ABCB7: variants seen among roughly 807,000 people sequenced by gnomAD.
The protein encoded by ABCB7 is ATP binding cassette subfamily B member 7.
ABCB7 carries 7 observed loss-of-function variants against 54.4 expected under a neutral mutation model. That is an observed-to-expected ratio of 0.13 (90% confidence interval 0.07 to 0.24). The LOEUF is 0.24. Ranked by LOEUF, ABCB7 falls within the 10% of genes least tolerant of loss-of-function variation. The probability of loss-of-function intolerance (pLI) is 1.00; values close to 1 mark genes in which losing one functional copy is unlikely to be tolerated. For synonymous variants in ABCB7, 218 were observed against 207.1 expected, an observed-to-expected ratio of 1.05 and a Z score of -0.45; for missense variants, 356 against 570.4, an observed-to-expected ratio of 0.62 and a Z score of 3.83.
chrX:75,086,926 A>G (rs1482770760), intron 4 of ABCB7, among the ~76,000 whole-genome samples: 1 of 111,811 alleles, frequency 8.9e-6, no homozygotes, highest in Non-Finnish European at 1.9e-5. Context: ...CCATTCTAAA[A>G]GCAACTCCCA....
rs767503863 is a variant in ABCB7, at chrX:75,053,748, G to A, written c.2044-163C>T. Among the ~76,000 whole-genome samples the A allele has an allele frequency of 2.1e-3, 239 of 111,965 alleles. 1 individual carries two copies. The highest frequency in any genetic ancestry group is 3.4e-3 in the Non-Finnish European group (179 of 53,130). On this transcript the variant is annotated intron_variant, in intron 15 of 15. Transcript: ENST00000373394. The stretch of plus-strand genomic sequence containing the variant: ...GTATAAGTGAAAAAAATTTAGGTAG[G>A]AATGCTTTCCTCCCTGTTGAGCTAC...
intron 9 of ABCB7, 152 bp from the exon 10 acceptor site, chrX:75,070,674 T>G: frequency 2.8e-4 from 158 of 556,926 alleles, no homozygotes; most frequent in Middle Eastern, 1.1e-3. Flanking sequence ...TAATCCACGA[T>G]TTAGGTAATA....
At chrX:75,093,374 A>G (rs1260386553) in intron 4 of ABCB7, among the ~76,000 whole-genome samples, 2 of 111,528 alleles carry the variant, frequency 1.8e-5, no homozygotes, top group East Asian at 5.6e-4. Context: ...AGGCAAAACT[A>G]GAGAGTTAGT....
intron 15 of ABCB7, 39 bp downstream of exon 15, chrX:75,060,184 T>C: frequency 9.6e-7 from 1 of 1,042,860 alleles, no homozygotes; most frequent in Non-Finnish European, 1.3e-6. Flanking sequence ...CAATTTCCAG[T>C]GTTCCTCAAA....
chrX:75,070,848 T>C (rs1266734693), intron 9 of ABCB7, among the ~76,000 whole-genome samples: 1 of 111,077 alleles, frequency 9.0e-6, no homozygotes, highest in African/African-American at 3.3e-5. Context: ...AAAACAGGAA[T>C]TTAAAAATTA....
At chrX:75,083,631 G>A (rs1391218989) in intron 4 of ABCB7, among the ~76,000 whole-genome samples, 2 of 109,734 alleles carry the variant, frequency 1.8e-5, no homozygotes, top group Non-Finnish European at 3.8e-5. Context: ...AACTGGAATA[G>A]CTAAAAACAA....
At chrX:75,103,853 T>C (rs1221025409) in intron 3 of ABCB7, among the ~76,000 whole-genome samples, 1 of 109,083 alleles carries the variant, frequency 9.2e-6, no homozygotes, top group East Asian at 2.9e-4. Flanking sequence ...ATTTATCAGA[T>C]GTAAGAGTTT....
At chrX:75,134,598 C>CA (rs2081996590) in intron 1 of ABCB7, among the ~76,000 whole-genome samples, 1 of 111,470 alleles carries the variant, frequency 9.0e-6, no homozygotes, top group Non-Finnish European at 1.9e-5. Flanking sequence ...TCAACAAATT[C>CA]AAAAAAGCTG....
intron 1 of ABCB7, among the ~76,000 whole-genome samples, chrX:75,143,072 T>A (rs1280869877): frequency 8.9e-6 from 1 of 112,420 alleles, no homozygotes; most frequent in Non-Finnish European, 1.9e-5. Flanking sequence ...ATAGGTTTAT[T>A]TAAATAGATT....
chrX:75,108,912 C>A (rs951752838), intron 3 of ABCB7, among the ~76,000 whole-genome samples: 3 of 111,775 alleles, frequency 2.7e-5, no homozygotes, highest in African/African-American at 9.7e-5. Context: ...TAAATCACCA[C>A]AACTTCTGAC....
chrX:75,076,007 C>T (rs1258959292), intron 5 of ABCB7, among the ~76,000 whole-genome samples: 1 of 111,314 alleles, frequency 9.0e-6, no homozygotes, highest in Non-Finnish European at 1.9e-5. Context: ...GAATCAAGTG[C>T]CTTGACTAAA....
At chrX:75,122,645 A>G (rs909141819) in intron 1 of ABCB7, among the ~76,000 whole-genome samples, 1 of 112,188 alleles carries the variant, frequency 8.9e-6, no homozygotes, top group Non-Finnish European at 1.9e-5. Flanking sequence ...AACAGTGTAC[A>G]AGGGTTTCCT....
At chrX:75,107,183 C>T (rs1384501202) in intron 3 of ABCB7, among the ~76,000 whole-genome samples, 1 of 111,449 alleles carries the variant, frequency 9.0e-6, no homozygotes, top group Non-Finnish European at 1.9e-5. Flanking sequence ...TTTAAACCAG[C>T]CCTAGCCAGA....
rs1364207741 is a variant in ABCB7, at chrX:75,073,738, T to C, written c.983A>G (p.Asp328Gly). The C allele has an allele frequency of 1.7e-6, 2 of 1,204,464 alleles. No homozygotes were observed. Among genetic ancestry groups the C allele is most frequent in the Non-Finnish European group, 2.2e-6 (2 of 889,799 alleles). ...FRIEMNKADN[D>G]AGNAAIDSLL... is the part of the protein sequence containing the mutation. Reference sequence around the variant, plus strand: ...TGAGTCTATAGCAGCATTACCTGCATCATTATCTGCTTTGTTCATTTCTAT... The same window carrying C: ...TGAGTCTATAGCAGCATTACCTGCACCATTATCTGCTTTGTTCATTTCTAT... The change falls in exon 8 of 16, where the codon GAT (aspartate) becomes GGT (glycine). Residue 328 changes from aspartate to glycine, a missense_variant. Physicochemically the swap from Asp to Gly is moderately conservative, Grantham distance 94. Transcript: ENST00000373394.
chrX:75,146,058 A>G (rs967276142), intron 1 of ABCB7, among the ~76,000 whole-genome samples: 15 of 112,185 alleles, frequency 1.3e-4, no homozygotes, highest in Non-Finnish European at 2.3e-4. Flanking sequence ...ACTTTCATTT[A>G]CAATTGCCAC....
At chrX:75,124,285 A>T (rs1436847889) in intron 1 of ABCB7, among the ~76,000 whole-genome samples, 4 of 111,956 alleles carry the variant, frequency 3.6e-5, no homozygotes, top group African/African-American at 1.3e-4. Context: ...TCCTTTATCT[A>T]CCAAATGTTC....
At chrX:75,082,593 T>C (rs1446514603) in intron 4 of ABCB7, among the ~76,000 whole-genome samples, 3 of 112,086 alleles carry the variant, frequency 2.7e-5, no homozygotes, top group Non-Finnish European at 5.6e-5. Flanking sequence ...GCAAAATTTA[T>C]ATTTGTCTAG....
chrX:75,069,721 G>A (rs927517071), intron 10 of ABCB7, among the ~76,000 whole-genome samples: 3 of 110,240 alleles, frequency 2.7e-5, no homozygotes, highest in African/African-American at 6.6e-5. Flanking sequence ...GGGCAGGGGA[G>A]GAAAGGGGCT....
At chrX:75,060,458 C>T in intron 14 of ABCB7, 128 bp from the exon 15 acceptor site, 1 of 501,424 alleles carries the variant, frequency 2.0e-6, no homozygotes. Flanking sequence ...TAGTATGTAA[C>T]TTTATACTGA....
Sources: gnomAD v4.1 joint callset for allele counts (sites outside exome capture counted in the v4.1 genomes callset) on GRCh38, gnomAD v4.1.1 for gene constraint, MANE v1.5 for transcripts, NCBI Gene and HGNC (gene_info 2026-07-23, HGNC 2026-07-21) for gene names.